POGLUT2: variants seen among roughly 807,000 people sequenced by gnomAD.
POGLUT2 encodes the protein protein O-glucosyltransferase 2.
A neutral mutation model predicts 57.6 loss-of-function variants in POGLUT2; 47 were observed. That is an observed-to-expected ratio of 0.82 (90% confidence interval 0.65 to 1.04). The LOEUF (loss-of-function observed/expected upper bound fraction) is 1.04, where lower values mean the gene tolerates loss of function less well. POGLUT2 is among the 50% of genes least tolerant of loss of function. POGLUT2 has a pLI of 0.00. For synonymous variants in POGLUT2, 200 were observed against 218.8 expected (o/e 0.91, Z 0.76); for missense variants, 565 against 614.8 (o/e 0.92, Z 0.86).
At chr13:102,792,060 A>G in intron 4 of POGLUT2, 1 of 1,288,988 alleles carries the variant, frequency 7.8e-7, no homozygotes, top group African/African-American at 1.5e-5. Flanking sequence ...TGGATTGACA[A>G]AGAGGAGCAA....
chr13:102,787,175 T>G (rs1290508669), intron 8 of POGLUT2, among the ~76,000 whole-genome samples: 3 of 152,074 alleles, frequency 2.0e-5, no homozygotes, highest in Non-Finnish European at 2.9e-5. Context: ...GCCTCCCGAA[T>G]AGCTGGGATT....
chr13:102,791,615 T>C (rs768489933), intron 4 of POGLUT2, among the ~76,000 whole-genome samples, 185 bp from the exon 5 acceptor site: 4 of 152,238 alleles, frequency 2.6e-5, no homozygotes, highest in Non-Finnish European at 4.4e-5. Context: ...AAGTATTCTA[T>C]GCTCCCTATG....
chr13:102,798,024 T>C (rs905208491), intron 1 of POGLUT2, among the ~76,000 whole-genome samples: 3 of 152,230 alleles, frequency 2.0e-5, no homozygotes, highest in Admixed American at 6.5e-5. Context: ...AATACTTCGA[T>C]ACTTTCCTTC....
intron 8 of POGLUT2, among the ~76,000 whole-genome samples, chr13:102,787,170 C>T (rs757586686): frequency 6.6e-6 from 1 of 152,068 alleles, no homozygotes; most frequent in African/African-American, 2.4e-5. Flanking sequence ...CCTCAGCCTC[C>T]CGAATAGCTG....
At chr13:102,792,603 T>C (rs567859152) in intron 4 of POGLUT2, among the ~76,000 whole-genome samples, 81 of 152,320 alleles carry the variant, frequency 5.3e-4, no homozygotes, top group African/African-American at 1.9e-3. Context: ...TAATCCACTA[T>C]GCTGTGTCCT....
At chr13:102,789,981 C>T (rs986369104) in intron 6 of POGLUT2, among the ~76,000 whole-genome samples, 1 of 152,172 alleles carries the variant, frequency 6.6e-6, no homozygotes, top group Non-Finnish European at 1.5e-5. Context: ...TAAAAATATT[C>T]ATAGAACTGT....
intron 2 of POGLUT2, among the ~76,000 whole-genome samples, chr13:102,794,665 C>A (rs750005078): frequency 1.3e-5 from 2 of 151,792 alleles, no homozygotes; most frequent in Non-Finnish European, 2.9e-5. Context: ...ACTCTTGTTT[C>A]AAAAAATAAA....
chr13:102,784,862 G>C (rs9557929), intron 9 of POGLUT2, among the ~76,000 whole-genome samples: 38,091 of 152,068 alleles, frequency 0.25, 5,579 homozygotes, highest in East Asian at 0.42. Flanking sequence ...AACTGGCTGG[G>C]TACCTCCTCT....
intron 2 of POGLUT2, among the ~76,000 whole-genome samples, chr13:102,796,293 C>CAAAAAAAAAAAA (rs151064207): frequency 3.6e-4 from 36 of 100,644 alleles, no homozygotes; most frequent in African/African-American, 5.9e-4. Flanking sequence ...GACTCTGCCT[C>CAAAAAAAAAAAA]AAAAAAAAAA....
intron 4 of POGLUT2, among the ~76,000 whole-genome samples, chr13:102,792,854 C>T (rs994602080): frequency 6.6e-6 from 1 of 152,118 alleles, no homozygotes; most frequent in Non-Finnish European, 1.5e-5. Context: ...AGTGCAGTGG[C>T]GTGATCTCGG....
Position 102,788,916 on chromosome 13 carries a change from G to C in POGLUT2, c.1293+96C>G, listed in dbSNP as rs966070134. 1.4e-5 allele frequency: 15 copies of C among 1,077,366 alleles called. No homozygotes were observed. In the African/African-American group the frequency reaches 2.2e-4, roughly 16 times the overall value. The allele number at this position is 1,077,366 out of a possible 1,614,324, so 66.7% of individuals were successfully genotyped here. A position where few individuals can be genotyped will look rare whatever the true frequency, so the allele number is the denominator to read the frequency against. ...ATTTACAGGCCAAAGTCTATTACGT[G>C]AACATCCTGGATGCTCTCCAGGTAC... On this transcript the variant is annotated intron_variant, in intron 7 of 9. Coordinates refer to ENST00000376004, the MANE Select transcript of POGLUT2 (RefSeq NM_024089.3).
At chr13:102,796,753 A>T (rs1291816965) in intron 2 of POGLUT2, 51 bp downstream of exon 2, 2 of 868,152 alleles carry the variant, frequency 2.3e-6, no homozygotes, top group Non-Finnish European at 3.7e-6. Context: ...ATGGAATAAC[A>T]TATATTATTT....
rs1293700367 is a variant in POGLUT2 at position 102,789,030 on chromosome 13, C to T, written c.1275G>A (p.Ala425=). 8.1e-6 allele frequency: 13 copies of T among 1,613,820 alleles called. No homozygotes were observed. The highest frequency in any genetic ancestry group is 1.3e-5 in the African/African-American group (1 of 75,024). ...ACCTTACCTCTTCATCGTGATCTTT[C>T]GCCCATTTAAGTTTTTCTAGCAGAT... ...LSDLLEKLKW[A]KDHDEEAKKI... The change falls in exon 7 of 10, where the codon GCG becomes GCA. Residue 425 remains alanine (A), a synonymous_variant. Transcript: ENST00000376004.
At position 102,796,912 on chromosome 13, in the gene POGLUT2, C is replaced by T; in HGVS notation, c.280G>A (p.Asp94Asn). 1.2e-6 allele frequency: 2 copies of T among 1,612,310 alleles called. No homozygotes were observed. Among genetic ancestry groups the T allele is most frequent in the South Asian group, 2.2e-5 (2 of 91,046 alleles). The change falls in exon 2 of 10, where the codon GAT becomes AAT. Residue 94 changes from aspartate (D) to asparagine (N), a missense_variant. Physicochemically the swap from Asp to Asn is conservative, Grantham distance 23. Transcript: ENST00000376004. ...RVGVQVLDRK[D>N]GSFIVRYRMY... ...CTGTATCTTACTATGAAGGACCCATCTTTTCGGTCTAAAACCTGGACTCCA... is the reference window on the plus strand; with the variant it reads ...CTGTATCTTACTATGAAGGACCCATTTTTTCGGTCTAAAACCTGGACTCCA...
chr13:102,788,866 G>T, intron 7 of POGLUT2, 146 bp downstream of exon 7: 1 of 718,894 alleles, frequency 1.4e-6, no homozygotes, highest in Non-Finnish European at 2.5e-6. Flanking sequence ...GAACTGCCGT[G>T]CCATCTATGG....
At chr13:102,794,928 ATTCT>A (rs900685539) in intron 2 of POGLUT2, among the ~76,000 whole-genome samples, 4 of 135,720 alleles carry the variant, frequency 2.9e-5, no homozygotes, top group African/African-American at 9.7e-5. Context: ...AGGAACTGCT[ATTCT>A]TTTTTTTTTT....
At chr13:102,786,102 T>C in intron 9 of POGLUT2, 130 bp downstream of exon 9, 1 of 652,314 alleles carries the variant, frequency 1.5e-6, no homozygotes. Flanking sequence ...TCTGGCAGAC[T>C]GAATTGCTTG....
rs1449167171 is a variant in POGLUT2, at chr13:102,793,705, G to A, written c.490C>T (p.Leu164=). Residue 164 remains leucine, a synonymous_variant, in exon 3 of 10, where the codon CTG becomes TTG. Coordinates refer to ENST00000376004, the MANE Select transcript of POGLUT2 (RefSeq NM_024089.3). ...PETIAQIQRD[L]AHFPAVDPEK... ...GGATCCACAGCAGGGAAATGTGCCA[G>A]ATCTCTCTGAATCTGAGCAATGGTT... 5 of 1,613,956 alleles carry A rather than the reference G, an allele frequency of 3.1e-6. No individual in the cohort carries two copies. The highest frequency in any genetic ancestry group is 4.2e-6 in the Non-Finnish European group (5 of 1,179,958).
intron 4 of POGLUT2, among the ~76,000 whole-genome samples, chr13:102,792,653 G>A (rs756588303): frequency 6.6e-6 from 1 of 152,146 alleles, no homozygotes; most frequent in Non-Finnish European, 1.5e-5. Context: ...AGAAGCCCAC[G>A]TGATGACAGA....
Sources: gnomAD v4.1 joint callset for allele counts (sites outside exome capture counted in the v4.1 genomes callset) on GRCh38, gnomAD v4.1.1 for gene constraint, MANE v1.5 for transcripts, NCBI Gene and HGNC (gene_info 2026-07-23, HGNC 2026-07-21) for gene names.